XPR1: variants seen among roughly 807,000 people sequenced by gnomAD.
XPR1 encodes the protein xenotropic and polytropic retrovirus receptor 1.
In XPR1, 28 loss-of-function variants were observed where a neutral mutation model predicts 87.5. That is an observed-to-expected ratio of 0.32 (90% confidence interval 0.24 to 0.44). The LOEUF is 0.44. Among genes scored for constraint, XPR1 ranks in the 20% least tolerant of loss-of-function variants. XPR1 has a pLI of 1.00. For synonymous variants in XPR1, 300 were observed against 306.1 expected (o/e 0.98, Z 0.21); for missense variants, 559 against 862.3 (o/e 0.65, Z 4.41).
chr1:180,842,680 T>C (rs1311328910), intron 11 of XPR1, among the ~76,000 whole-genome samples: 1 of 152,178 alleles, frequency 6.6e-6, no homozygotes, highest in Admixed American at 6.5e-5. Context: ...GTTTCTTGGC[T>C]TTGGCAAAGA....
chr1:180,848,154 A>G (rs371646880), intron 11 of XPR1, among the ~76,000 whole-genome samples: 1 of 152,164 alleles, frequency 6.6e-6, no homozygotes, highest in East Asian at 1.9e-4. Context: ...CATCTCAAAC[A>G]TTTATCATTT....
chr1:180,881,175 T>G (rs1558050512), intron 14 of XPR1, among the ~76,000 whole-genome samples: 1 of 152,166 alleles, frequency 6.6e-6, no homozygotes, highest in Non-Finnish European at 1.5e-5. Flanking sequence ...GATAATTTTT[T>G]TTTTTTGAGA....
At chr1:180,793,211 TAGATA>T (rs1243181427) in intron 3 of XPR1, among the ~76,000 whole-genome samples, 1 of 152,162 alleles carries the variant, frequency 6.6e-6, no homozygotes, top group African/African-American at 2.4e-5. Context: ...CAAGACCGAT[TAGATA>T]ATAGTTACTA....
At chr1:180,861,771 C>G (rs191241448) in intron 11 of XPR1, among the ~76,000 whole-genome samples, 24 of 152,134 alleles carry the variant, frequency 1.6e-4, no homozygotes, top group African/African-American at 5.8e-4. Context: ...GAAACCAGCT[C>G]TTGGGTGGGA....
At chr1:180,742,737 A>G (rs983725531) in intron 2 of XPR1, among the ~76,000 whole-genome samples, 4 of 152,062 alleles carry the variant, frequency 2.6e-5, no homozygotes, top group African/African-American at 9.6e-5. Flanking sequence ...GTTATGTTGA[A>G]GTCTCCAGCT....
intron 2 of XPR1, among the ~76,000 whole-genome samples, chr1:180,750,185 G>A (rs1457427218): frequency 6.6e-6 from 1 of 151,938 alleles, no homozygotes; most frequent in African/African-American, 2.4e-5. Context: ...ATGTTAATAA[G>A]AAAATGATTT....
At chr1:180,879,887 T>G (rs888078196) in intron 13 of XPR1, among the ~76,000 whole-genome samples, 189 bp from the exon 14 acceptor site, 1 of 152,016 alleles carries the variant, frequency 6.6e-6, no homozygotes, top group South Asian at 2.1e-4. Flanking sequence ...TTTTTCATAG[T>G]CTAGTCTTGT....
chr1:180,731,414 TG>T (rs1394101332), intron 2 of XPR1, among the ~76,000 whole-genome samples: 6 of 152,044 alleles, frequency 3.9e-5, no homozygotes, highest in Non-Finnish European at 7.4e-5. Context: ...AGGGAAAAAA[TG>T]TAACAATATG....
intron 11 of XPR1, 82 bp from the exon 12 acceptor site, chr1:180,863,626 C>T: frequency 8.1e-7 from 1 of 1,239,726 alleles, no homozygotes; most frequent in Non-Finnish European, 1.1e-6. Flanking sequence ...TTTTAAGAAT[C>T]TGTTTTAATT....
intron 11 of XPR1, among the ~76,000 whole-genome samples, chr1:180,854,427 C>G (rs1006061872): frequency 6.6e-6 from 1 of 152,198 alleles, no homozygotes; most frequent in Admixed American, 6.5e-5. Context: ...ACATATGTCC[C>G]ATGTTCACTT....
intron 7 of XPR1, among the ~76,000 whole-genome samples, chr1:180,824,413 T>C (rs1650748816): frequency 6.6e-6 from 1 of 152,150 alleles, no homozygotes; most frequent in Admixed American, 6.6e-5. Flanking sequence ...AAACCCTGTC[T>C]GTACTAAAAA....
intron 2 of XPR1, among the ~76,000 whole-genome samples, chr1:180,749,957 A>G (rs73036503): frequency 0.017 from 2,556 of 152,288 alleles, 79 homozygotes; most frequent in African/African-American, 0.056. Context: ...TTTGAATTCA[A>G]TATGCTGGGT....
chr1:180,719,275 A>T (rs1019601672), intron 2 of XPR1, among the ~76,000 whole-genome samples: 1 of 152,228 alleles, frequency 6.6e-6, no homozygotes, highest in Non-Finnish European at 1.5e-5. Context: ...AATTTATTTA[A>T]AGTCCAATAT....
intron 1 of XPR1, among the ~76,000 whole-genome samples, chr1:180,650,819 T>C (rs1655269982): frequency 6.6e-6 from 1 of 152,200 alleles, no homozygotes. Context: ...GTCTTAGTTT[T>C]CTTGTATATA....
chr1:180,668,666 A>T (rs1459308852), intron 1 of XPR1, among the ~76,000 whole-genome samples: 2 of 152,166 alleles, frequency 1.3e-5, no homozygotes, highest in Non-Finnish European at 2.9e-5. Context: ...TTGATCCATG[A>T]GTTATTGAAG....
Position 180,791,451 on chromosome 1 carries a change from ATTTTTG to A in XPR1, c.223+3598_223+3603del, listed in dbSNP as rs1314723880. On this transcript the variant is annotated intron_variant, in intron 3 of 14. Coordinates refer to ENST00000367590, the MANE Select transcript of XPR1 (RefSeq NM_004736.4). ...CACACCTGGCTAATTTTTTATTTTTATTTTTGGTAGAGATGGGGTTTCACCATGTTG... is the reference window on the plus strand; with the variant it reads ...CACACCTGGCTAATTTTTTATTTTTAGTAGAGATGGGGTTTCACCATGTTG... Among the ~76,000 whole-genome samples the A allele has an allele frequency of 4.6e-5, 7 of 152,080 alleles. No homozygotes were observed. The East Asian group carries it at 1.4e-3, about 29-fold the overall frequency.
chr1:180,878,882 A>G (rs1185922704), intron 13 of XPR1, among the ~76,000 whole-genome samples: 3 of 152,212 alleles, frequency 2.0e-5, no homozygotes, highest in African/African-American at 7.2e-5. Context: ...AGAGTGTTCC[A>G]GGATTTAATC....
At chr1:180,875,678 G>A (rs1175512873) in intron 13 of XPR1, among the ~76,000 whole-genome samples, 3 of 151,836 alleles carry the variant, frequency 2.0e-5, no homozygotes, top group Non-Finnish European at 4.4e-5. Context: ...TTAAAAAACA[G>A]CAAATCCCAA....
intron 2 of XPR1, among the ~76,000 whole-genome samples, chr1:180,721,536 A>G (rs537077105): frequency 4.6e-5 from 7 of 152,306 alleles, no homozygotes; most frequent in Admixed American, 1.3e-4. Context: ...ACTCCTGGCT[A>G]TGTGGTTCAT....
Sources: gnomAD v4.1 joint callset for allele counts (sites outside exome capture counted in the v4.1 genomes callset) on GRCh38, gnomAD v4.1.1 for gene constraint, MANE v1.5 for transcripts, NCBI Gene and HGNC (gene_info 2026-07-23, HGNC 2026-07-21) for gene names.